VAV3: variants seen among roughly 807,000 people sequenced by gnomAD.
VAV3 encodes vav guanine nucleotide exchange factor 3, also known as guanine nucleotide exchange factor VAV3.
Under a neutral mutation model 131.2 loss-of-function variants are expected in VAV3, and 94 were observed. That is an observed-to-expected ratio of 0.72 (90% confidence interval 0.61 to 0.85). VAV3 has a LOEUF of 0.85. Ranked by LOEUF, VAV3 falls within the 40% of genes least tolerant of loss-of-function variation. VAV3 has a pLI of 0.00. For missense variants in VAV3, 939 were observed against 1,002.7 expected, an observed-to-expected ratio of 0.94 and a Z score of 0.86; for synonymous variants, 349 against 342.0, an observed-to-expected ratio of 1.02 and a Z score of -0.22.
At chr1:107,940,156 G>C (rs2101260747) in intron 1 of VAV3, among the ~76,000 whole-genome samples, 1 of 152,298 alleles carries the variant, frequency 6.6e-6, no homozygotes, top group South Asian at 2.1e-4. Flanking sequence ...AGAGGTTTTT[G>C]TTGTTTTTGT....
intron 19 of VAV3, chr1:107,672,127 G>A (rs1051265365): frequency 4.6e-5 from 7 of 151,920 alleles, no homozygotes; most frequent in African/African-American, 1.7e-4. Flanking sequence ...AACTTAGCTA[G>A]GCATGGTGGC....
chr1:107,584,519 G>A (rs1359389968), intron 25 of VAV3, among the ~76,000 whole-genome samples: 1 of 151,950 alleles, frequency 6.6e-6, no homozygotes, highest in Non-Finnish European at 1.5e-5. Flanking sequence ...CTGACAAAGG[G>A]CTAATATCCA....
At chr1:107,805,394 C>CT (rs1380550121) in intron 2 of VAV3, among the ~76,000 whole-genome samples, 2 of 152,156 alleles carry the variant, frequency 1.3e-5, no homozygotes, top group African/African-American at 4.8e-5. Context: ...AATAGCCCAT[C>CT]TTCAAGCTCA....
At chr1:107,750,988 G>C (rs1663685845) in intron 13 of VAV3, 129 bp downstream of exon 13, 2 of 838,046 alleles carry the variant, frequency 2.4e-6, no homozygotes, top group East Asian at 5.4e-5. Context: ...TAGAAATCAT[G>C]GGTTGGTCTG....
chr1:107,800,265 C>A (rs930661512), intron 2 of VAV3, among the ~76,000 whole-genome samples: 1 of 149,812 alleles, frequency 6.7e-6, no homozygotes, highest in African/African-American at 2.4e-5. Flanking sequence ...TTTGAGGAAT[C>A]TCCAAACAGT....
intron 13 of VAV3, among the ~76,000 whole-genome samples, chr1:107,750,381 T>TCC (rs955101823): frequency 2.0e-5 from 3 of 152,212 alleles, no homozygotes; most frequent in African/African-American, 7.2e-5. Flanking sequence ...AACCACATCA[T>TCC]CCAATACCAA....
chr1:107,707,639 T>G lies in VAV3; in HGVS notation c.1503-2578A>C, dbSNP rs544595435. Reference sequence around the variant, plus strand: ...CCAGCACAACGACTTATATGCTCAGTGTCCTTGGGACTAGGAATCCATATG... The same window carrying G: ...CCAGCACAACGACTTATATGCTCAGGGTCCTTGGGACTAGGAATCCATATG... On this transcript the variant is annotated intron_variant, in intron 15 of 26. Coordinates refer to ENST00000370056, the MANE Select transcript of VAV3 (RefSeq NM_006113.5). Among the ~76,000 whole-genome samples, 9 of 152,334 alleles carry G rather than the reference T, an allele frequency of 5.9e-5. No homozygotes were observed. The East Asian group carries it at 1.7e-3, about 29-fold the overall frequency.
At chr1:107,950,033 C>G (rs886895534) in intron 1 of VAV3, among the ~76,000 whole-genome samples, 5 of 152,016 alleles carry the variant, frequency 3.3e-5, no homozygotes, top group African/African-American at 1.2e-4. Flanking sequence ...GGACAAACAG[C>G]CTGGGTGCTG....
At chr1:107,613,576 CCTTTA>C (rs1389921883) in intron 21 of VAV3, among the ~76,000 whole-genome samples, 1 of 151,874 alleles carries the variant, frequency 6.6e-6, no homozygotes, top group Non-Finnish European at 1.5e-5. Context: ...ATTTTTGTTC[CCTTTA>C]ATTTCTTAAA....
Position 107,964,811 on chromosome 1 carries a change from T to G in VAV3, c.59A>C (p.Asn20Thr). The stretch of plus-strand genomic sequence containing the variant: ...AGCCGAGTCCCAGGTCACCCGGTGG[T>G]TGGTGGGCAGCACCTTGCAATGGAT... ...WLIHCKVLPT[N>T]HRVTWDSAQV... The change falls in exon 1 of 27, where the codon AAC (asparagine) becomes ACC (threonine). Residue 20 changes from asparagine (N) to threonine (T), a missense_variant. Transcript: ENST00000370056. The G allele has an allele frequency of 6.2e-7, 1 of 1,613,928 alleles. No individual in the cohort carries two copies. The highest frequency in any genetic ancestry group is 2.2e-5 in the East Asian group (1 of 44,852).
At chr1:107,723,287 T>A (rs1171267418) in intron 15 of VAV3, among the ~76,000 whole-genome samples, 2 of 152,130 alleles carry the variant, frequency 1.3e-5, no homozygotes, top group Non-Finnish European at 2.9e-5. Context: ...GCCCATCTGA[T>A]GTCACAGCCT....
chr1:107,640,338 T>C (rs60182456), intron 20 of VAV3, among the ~76,000 whole-genome samples: 56,063 of 151,808 alleles, frequency 0.37, 10,789 homozygotes, highest in East Asian at 0.48. Flanking sequence ...CTCAAGATAA[T>C]CATGTTGTGT....
chr1:107,676,867 T>C (rs1658247987), intron 19 of VAV3, among the ~76,000 whole-genome samples: 1 of 152,186 alleles, frequency 6.6e-6, no homozygotes. Flanking sequence ...CGACACACTT[T>C]GGTAGTTCAT....
At chr1:107,610,293 T>C (rs1471905306) in intron 21 of VAV3, among the ~76,000 whole-genome samples, 1 of 152,166 alleles carries the variant, frequency 6.6e-6, no homozygotes, top group Non-Finnish European at 1.5e-5. Context: ...GTGAAAACGT[T>C]ATTAAGAAAA....
intron 9 of VAV3, among the ~76,000 whole-genome samples, chr1:107,764,584 A>G (rs1271447890): frequency 6.6e-6 from 1 of 152,186 alleles, no homozygotes; most frequent in Non-Finnish European, 1.5e-5. Flanking sequence ...CAATGGTGCA[A>G]CCATAGCTCA....
At chr1:107,956,015 A>T (rs1406685972) in intron 1 of VAV3, among the ~76,000 whole-genome samples, 2 of 152,266 alleles carry the variant, frequency 1.3e-5, no homozygotes, top group Non-Finnish European at 2.9e-5. Flanking sequence ...GCATACATGC[A>T]TGCAAATGGG....
chr1:107,747,393 C>G (rs117928799), intron 15 of VAV3, among the ~76,000 whole-genome samples: 4 of 152,172 alleles, frequency 2.6e-5, no homozygotes, highest in Admixed American at 1.3e-4. Context: ...AGCAAAGGCT[C>G]GAGATCAGCT....
chr1:107,851,723 A>C (rs1669242112), intron 2 of VAV3, among the ~76,000 whole-genome samples: 1 of 152,152 alleles, frequency 6.6e-6, no homozygotes, highest in South Asian at 2.1e-4. Context: ...ATAATAGAGA[A>C]GATTTTTTAA....
chr1:107,844,606 T>G (rs1448812862), intron 2 of VAV3, among the ~76,000 whole-genome samples: 1 of 152,098 alleles, frequency 6.6e-6, no homozygotes, highest in East Asian at 1.9e-4. Context: ...CAGTCTGAAG[T>G]CGACCTGGGA....
Sources: allele counts gnomAD v4.1 joint callset (sites outside exome capture counted in the v4.1 genomes callset), GRCh38; gene constraint gnomAD v4.1.1; transcripts MANE v1.5; gene names NCBI Gene and HGNC (gene_info 2026-07-23, HGNC 2026-07-21).